Variants in UBE2E2 observed in about 807,000 individuals in gnomAD.
The protein encoded by UBE2E2 is ubiquitin conjugating enzyme E2 E2.
UBE2E2 carries 6 observed loss-of-function variants against 24.7 expected under a neutral mutation model. The ratio of observed to expected loss-of-function variants is 0.24; its 90% CI spans 0.13 to 0.48. The LOEUF is 0.48. UBE2E2 is among the 20% of genes least tolerant of loss of function. UBE2E2 has a pLI of 0.99. For synonymous variants in UBE2E2, 104 were observed against 83.6 expected, an observed-to-expected ratio of 1.24 and a Z score of -1.33; for missense variants, 169 against 245.0, an observed-to-expected ratio of 0.69 and a Z score of 2.07.
intron 3 of UBE2E2, among the ~76,000 whole-genome samples, chr3:23,476,994 A>G (rs866935752): frequency 6.6e-5 from 10 of 152,260 alleles, no homozygotes; most frequent in African/African-American, 2.2e-4. Flanking sequence ...TTATTTTAAC[A>G]TTATTTGATG....
At position 23,418,311 on chromosome 3, in the gene UBE2E2, G is replaced by A. The variant is rs61417607; in HGVS notation, c.228-81297G>A. On this transcript the variant is annotated intron_variant, in intron 3 of 5. Coordinates refer to ENST00000396703, the MANE Select transcript of UBE2E2 (RefSeq NM_152653.4). ...CACGGCTTACCTTGGCTAGGGGAGC[G>A]AGTTCCTGGACTCCATGTGCTTCCT... 6.2e-4 allele frequency among the ~76,000 whole-genome samples: 95 copies of A among 152,268 alleles called. 3 individuals carry two copies. In the East Asian group the frequency reaches 0.015, roughly 25 times the overall value.
intron 5 of UBE2E2, among the ~76,000 whole-genome samples, chr3:23,555,680 A>G (rs1435606476): frequency 6.6e-6 from 1 of 152,218 alleles, no homozygotes; most frequent in South Asian, 2.1e-4. Context: ...ACACACGCAC[A>G]TACACAGAGC....
At chr3:23,416,847 T>C (rs1697648389) in intron 3 of UBE2E2, among the ~76,000 whole-genome samples, 1 of 152,208 alleles carries the variant, frequency 6.6e-6, no homozygotes, top group African/African-American at 2.4e-5. Flanking sequence ...AATTCGGCTA[T>C]TGATACTTGT....
intron 3 of UBE2E2, among the ~76,000 whole-genome samples, chr3:23,303,459 T>G (rs1408353457): frequency 6.6e-6 from 1 of 152,200 alleles, no homozygotes; most frequent in Non-Finnish European, 1.5e-5. Context: ...AAATCCTCAC[T>G]ACTGCTTTTA....
chr3:23,473,691 T>G (rs1699072190), intron 3 of UBE2E2, among the ~76,000 whole-genome samples: 1 of 152,140 alleles, frequency 6.6e-6, no homozygotes, highest in Admixed American at 6.5e-5. Context: ...GATGTTTGGT[T>G]TTCCATTCCT....
intron 4 of UBE2E2, among the ~76,000 whole-genome samples, chr3:23,530,730 C>G (rs1041793029): frequency 6.6e-6 from 1 of 152,130 alleles, no homozygotes. Flanking sequence ...TTCGAGTTTC[C>G]TAATTGATAT....
At position 23,515,123 on chromosome 3, in the gene UBE2E2, GTGT is replaced by G. The variant is rs1559408371; in HGVS notation, c.360+15384_360+15386del. Among the ~76,000 whole-genome samples the G allele has an allele frequency of 1.5e-3, 29 of 18,946 alleles. No individual in the cohort carries two copies. The African/African-American group carries it at 0.02, about 13-fold the overall frequency. The allele number at this position is 18,946 out of a possible 152,430, so 12.4% of individuals were successfully genotyped here. ...TGTAGGGACAAAATAAACTTGGGGTGTGTGTGTGTGTGTGTGTGTGTGTGTGTG... is the reference window on the plus strand; with the variant it reads ...TGTAGGGACAAAATAAACTTGGGGTGGTGTGTGTGTGTGTGTGTGTGTGTG... On this transcript the variant is annotated intron_variant, in intron 4 of 5. Coordinates refer to ENST00000396703, the MANE Select transcript of UBE2E2 (RefSeq NM_152653.4).
At chr3:23,299,853 C>T (rs1192149437) in intron 3 of UBE2E2, among the ~76,000 whole-genome samples, 1 of 152,060 alleles carries the variant, frequency 6.6e-6, no homozygotes, top group African/African-American at 2.4e-5. Context: ...AACTTTCTGT[C>T]TCGTTGATCT....
At chr3:23,223,152 T>G (rs182614910) in intron 3 of UBE2E2, among the ~76,000 whole-genome samples, 60 of 151,236 alleles carry the variant, frequency 4.0e-4, no homozygotes, top group South Asian at 1.5e-3. Flanking sequence ...CCTGAGTAGC[T>G]GAGACTACAG....
intron 3 of UBE2E2, among the ~76,000 whole-genome samples, chr3:23,485,711 C>T (rs1456754117): frequency 2.0e-5 from 3 of 152,190 alleles, no homozygotes; most frequent in African/African-American, 7.2e-5. Flanking sequence ...GTATTCTTCA[C>T]TGAATTATAA....
chr3:23,364,680 A>G (rs1464615999), intron 3 of UBE2E2, among the ~76,000 whole-genome samples: 2 of 152,148 alleles, frequency 1.3e-5, no homozygotes, highest in South Asian at 2.1e-4. Flanking sequence ...TTCACAGCCA[A>G]ACTACTGAAT....
At chr3:23,379,387 C>G (rs1696605446) in intron 3 of UBE2E2, among the ~76,000 whole-genome samples, 1 of 133,978 alleles carries the variant, frequency 7.5e-6, no homozygotes, top group Non-Finnish European at 1.6e-5. Context: ...GATGCTATCC[C>G]TCCCCCCTCC....
intron 3 of UBE2E2, among the ~76,000 whole-genome samples, chr3:23,455,647 C>T (rs995008740): frequency 1.3e-5 from 2 of 152,058 alleles, no homozygotes; most frequent in African/African-American, 4.8e-5. Context: ...GCTGGGATCA[C>T]GCCACTGCAC....
intron 3 of UBE2E2, among the ~76,000 whole-genome samples, chr3:23,244,595 A>G (rs1313701100): frequency 1.3e-5 from 2 of 152,192 alleles, no homozygotes; most frequent in African/African-American, 4.8e-5. Flanking sequence ...AGATTAGTAA[A>G]TAACATAGCA....
chr3:23,490,184 T>C (rs964358036), intron 3 of UBE2E2, among the ~76,000 whole-genome samples: 1 of 152,206 alleles, frequency 6.6e-6, no homozygotes, highest in African/African-American at 2.4e-5. Context: ...AATTGAACTC[T>C]AGATGGTTTC....
rs548398263 is a variant in UBE2E2 at position 23,508,200 on chromosome 3, A to G, written c.360+8460A>G. 3.3e-5 allele frequency among the ~76,000 whole-genome samples: 5 copies of G among 152,338 alleles called. No individual in the cohort carries two copies. In the South Asian group the frequency reaches 1.0e-3, roughly 32 times the overall value. ...CCCAAAATGAATGTGATGATTAAAA[A>G]TTGATCAAAATGGTGTCATTGTCTT... On this transcript the variant is annotated intron_variant, in intron 4 of 5. Transcript: ENST00000396703.
intron 3 of UBE2E2, among the ~76,000 whole-genome samples, chr3:23,266,474 C>T (rs944048720): frequency 3.3e-5 from 5 of 152,126 alleles, no homozygotes; most frequent in African/African-American, 1.2e-4. Context: ...TTGGCCCCCC[C>T]TCTCTTCTGG....
chr3:23,550,540 C>A (rs528348473), intron 5 of UBE2E2, among the ~76,000 whole-genome samples: 1 of 152,248 alleles, frequency 6.6e-6, no homozygotes, highest in Admixed American at 6.5e-5. Flanking sequence ...TCGCAAACTC[C>A]TGGAGGTCAG....
At position 23,493,475 on chromosome 3, in the gene UBE2E2, T is replaced by C. The variant is rs530772235; in HGVS notation, c.228-6133T>C. ...TGCTGATATTTTTCATTCTAAAAGA[T>C]TTACCTCATTGTGTTTTTATTTTGA... is the stretch of plus-strand genomic sequence containing the variant. On this transcript the variant is annotated intron_variant, in intron 3 of 5. Transcript: ENST00000396703. Among the ~76,000 whole-genome samples, 4 of 152,314 alleles carry C rather than the reference T, an allele frequency of 2.6e-5. No homozygotes were observed. The East Asian group carries it at 7.7e-4, about 29-fold the overall frequency.
Sources: allele counts gnomAD v4.1 joint callset (sites outside exome capture counted in the v4.1 genomes callset), GRCh38; gene constraint gnomAD v4.1.1; transcripts MANE v1.5; gene names NCBI Gene and HGNC (gene_info 2026-07-23, HGNC 2026-07-21).